The following HAPLN1 variants were observed in gnomAD, a reference collection of about 807,000 sequenced individuals.
HAPLN1 encodes the protein hyaluronan and proteoglycan link protein 1, also known as Cartilage link protein.
HAPLN1 carries 13 observed loss-of-function variants against 36.5 expected under a neutral mutation model. That is an observed-to-expected ratio of 0.36 (90% CI 0.23 to 0.57). The LOEUF (loss-of-function observed/expected upper bound fraction) is 0.57. HAPLN1 is among the 20% of genes least tolerant of loss of function. The pLI is 0.83. For missense variants in HAPLN1, 407 were observed against 439.7 expected (o/e 0.93, Z 0.66); for synonymous variants, 202 against 169.8 (o/e 1.19, Z -1.48).
At chr5:83,699,923 T>G (rs1443783855) in intron 1 of HAPLN1, among the ~76,000 whole-genome samples, 1 of 152,124 alleles carries the variant, frequency 6.6e-6, no homozygotes, top group Non-Finnish European at 1.5e-5. Context: ...ATTTAAAAAC[T>G]ACACCTTCAC....
intron 1 of HAPLN1, among the ~76,000 whole-genome samples, chr5:83,681,169 T>A (rs1332019756): frequency 6.6e-6 from 1 of 152,172 alleles, no homozygotes; most frequent in East Asian, 1.9e-4. Flanking sequence ...ATCGAATGAC[T>A]CATTATTATG....
chr5:83,714,959 G>A (rs913930121), intron 1 of HAPLN1, among the ~76,000 whole-genome samples: 8 of 152,230 alleles, frequency 5.3e-5, no homozygotes, highest in African/African-American at 1.4e-4. Flanking sequence ...TGGCTAAAGC[G>A]CTAGGGGAGG....
chr5:83,715,818 T>A (rs557063441), intron 1 of HAPLN1, among the ~76,000 whole-genome samples: 4 of 152,344 alleles, frequency 2.6e-5, no homozygotes, highest in Non-Finnish European at 4.4e-5. Context: ...TTTTTAAAAA[T>A]GCATGCTCAA....
intron 2 of HAPLN1, among the ~76,000 whole-genome samples, chr5:83,664,768 T>C (rs1750509345): frequency 6.6e-6 from 1 of 152,204 alleles, no homozygotes; most frequent in African/African-American, 2.4e-5. Flanking sequence ...TAATGAGTTA[T>C]AAGAAAAAAG....
intron 3 of HAPLN1, 138 bp from the exon 4 acceptor site, chr5:83,644,803 C>T (rs1749808905): frequency 2.0e-6 from 1 of 496,392 alleles, no homozygotes. Flanking sequence ...GCAACTGTTT[C>T]TCATGATCCC....
intron 1 of HAPLN1, among the ~76,000 whole-genome samples, chr5:83,680,698 T>TA (rs1206771280): frequency 1.3e-5 from 2 of 152,162 alleles, no homozygotes; most frequent in Non-Finnish European, 2.9e-5. Flanking sequence ...TCCTATTTTT[T>TA]ATGCCCTAAA....
At chr5:83,664,573 G>A (rs1342612905) in intron 2 of HAPLN1, among the ~76,000 whole-genome samples, 4 of 152,064 alleles carry the variant, frequency 2.6e-5, no homozygotes, top group African/African-American at 4.8e-5. Flanking sequence ...AGTAGAGACA[G>A]GGTTTCACCA....
intron 1 of HAPLN1, among the ~76,000 whole-genome samples, chr5:83,701,794 C>T (rs1031567193): frequency 1.3e-5 from 2 of 151,976 alleles, no homozygotes; most frequent in Non-Finnish European, 1.5e-5. Flanking sequence ...AAAAAATTAG[C>T]CAGATGCAGT....
At chr5:83,658,800 G>A (rs954668730) in intron 2 of HAPLN1, among the ~76,000 whole-genome samples, 6 of 151,966 alleles carry the variant, frequency 3.9e-5, no homozygotes, top group Admixed American at 1.3e-4. Flanking sequence ...CTCCCTTCGC[G>A]TCCAGCCTTT....
chr5:83,650,955 G>A (rs545254584), intron 3 of HAPLN1, among the ~76,000 whole-genome samples: 10 of 151,950 alleles, frequency 6.6e-5, no homozygotes, highest in Middle Eastern at 3.4e-3. Context: ...CCTATAATGC[G>A]TTATACTGTA....
chr5:83,706,113 A>G (rs1751643245), intron 1 of HAPLN1, among the ~76,000 whole-genome samples: 2 of 151,434 alleles, frequency 1.3e-5, no homozygotes, highest in Admixed American at 6.6e-5. Flanking sequence ...CGAAAAAAAA[A>G]AAAAACAAAA....
chr5:83,714,531 C>A (rs1233932159), intron 1 of HAPLN1, among the ~76,000 whole-genome samples: 1 of 151,930 alleles, frequency 6.6e-6, no homozygotes, highest in Non-Finnish European at 1.5e-5. Context: ...TTTCCAGAAG[C>A]TATGATCAGC....
rs942255568 is a variant in HAPLN1, at chr5:83,704,960, T to C, written c.-27+15829A>G. 3.3e-5 allele frequency among the ~76,000 whole-genome samples: 5 copies of C among 152,210 alleles called. No individual in the cohort carries two copies. The East Asian group carries it at 9.6e-4, about 29-fold the overall frequency. On this transcript the variant is annotated intron_variant, in intron 1 of 4. Coordinates refer to ENST00000274341, the MANE Select transcript of HAPLN1 (RefSeq NM_001884.4). ...GAAAACAACAGAATATACATTTTTTTCTCATCAACAGATGGCACATTCTAA... is the reference window on the plus strand; with the variant it reads ...GAAAACAACAGAATATACATTTTTTCCTCATCAACAGATGGCACATTCTAA...
At chr5:83,705,225 G>A (rs1269043770) in intron 1 of HAPLN1, among the ~76,000 whole-genome samples, 3 of 151,596 alleles carry the variant, frequency 2.0e-5, no homozygotes, top group Non-Finnish European at 4.4e-5. Flanking sequence ...CCCTGTCTCT[G>A]TTAAAAATAC....
At chr5:83,705,064 C>T (rs184869301) in intron 1 of HAPLN1, among the ~76,000 whole-genome samples, 54 of 152,230 alleles carry the variant, frequency 3.5e-4, no homozygotes, top group East Asian at 9.7e-4. Context: ...CACTCTCAGA[C>T]GATATTGCAA....
chr5:83,656,912 TA>T (rs1750233546), intron 2 of HAPLN1, among the ~76,000 whole-genome samples: 1 of 152,180 alleles, frequency 6.6e-6, no homozygotes, highest in Admixed American at 6.5e-5. Context: ...TGAAGACTTT[TA>T]AACAATAGGA....
At chr5:83,649,873 T>A (rs1750003559) in intron 3 of HAPLN1, among the ~76,000 whole-genome samples, 5 of 152,252 alleles carry the variant, frequency 3.3e-5, no homozygotes, top group Admixed American at 2.6e-4. Flanking sequence ...GAGCATGAAT[T>A]CTGTTCTTGG....
At chr5:83,650,087 C>G (rs1341929866) in intron 3 of HAPLN1, among the ~76,000 whole-genome samples, 1 of 152,194 alleles carries the variant, frequency 6.6e-6, no homozygotes, top group African/African-American at 2.4e-5. Flanking sequence ...TCAGAATTTT[C>G]TAAAGCCTGA....
At chr5:83,649,724 C>T (rs1220541148) in intron 3 of HAPLN1, among the ~76,000 whole-genome samples, 1 of 152,216 alleles carries the variant, frequency 6.6e-6, no homozygotes, top group Non-Finnish European at 1.5e-5. Context: ...GCTGGGATTA[C>T]AGGCGTGAAC....
Sources: allele counts gnomAD v4.1 joint callset (sites outside exome capture counted in the v4.1 genomes callset), GRCh38; gene constraint gnomAD v4.1.1; transcripts MANE v1.5; gene names NCBI Gene and HGNC (gene_info 2026-07-23, HGNC 2026-07-21).